The following ZNF106 variants were observed in gnomAD, a reference collection of about 807,000 sequenced individuals.
ZNF106 encodes zinc finger protein 106.
In ZNF106, 67 loss-of-function variants were observed where a neutral mutation model predicts 195.1. The ratio of observed to expected loss-of-function variants is 0.34; its 90% CI spans 0.28 to 0.42. ZNF106 has a LOEUF of 0.42. Among genes scored for constraint, ZNF106 ranks in the 10% least tolerant of loss-of-function variants. The pLI, the probability that ZNF106 is intolerant of heterozygous loss-of-function variation, is 1.00. For synonymous variants in ZNF106, 784 were observed against 818.6 expected (o/e 0.96, Z 0.72); for missense variants, 2,118 against 2,304.5 (o/e 0.92, Z 1.66).
At chr15:42,420,589 G>GA (rs202121642) in intron 20 of ZNF106, among the ~76,000 whole-genome samples, 165 of 150,632 alleles carry the variant, frequency 1.1e-3, no homozygotes, top group African/African-American at 3.7e-3. Context: ...TAGAACTGAC[G>GA]AAAAAAAAAT....
intron 8 of ZNF106, 31 bp from the exon 9 acceptor site, chr15:42,444,293 G>C: frequency 6.4e-7 from 1 of 1,563,226 alleles, no homozygotes; most frequent in Non-Finnish European, 8.8e-7. Context: ...TAAGCATTTT[G>C]AAATCCAACT....
At chr15:42,421,021 C>G in intron 20 of ZNF106, 40 bp downstream of exon 20, 1 of 1,588,974 alleles carries the variant, frequency 6.3e-7, no homozygotes, top group Non-Finnish European at 8.6e-7. Flanking sequence ...GGTGAAGCAA[C>G]CTATAGAAGT....
intron 1 of ZNF106, among the ~76,000 whole-genome samples, chr15:42,477,749 G>C (rs2056814000): frequency 6.6e-6 from 1 of 152,034 alleles, no homozygotes; most frequent in African/African-American, 2.4e-5. Context: ...AATTAGCTGG[G>C]CTTGATGGCA....
intron 14 of ZNF106, among the ~76,000 whole-genome samples, chr15:42,428,712 A>T (rs2054943514): frequency 6.6e-6 from 1 of 152,208 alleles, no homozygotes; most frequent in Non-Finnish European, 1.5e-5. Flanking sequence ...AAATTTCCCT[A>T]GTAATTCAGA....
intron 12 of ZNF106, among the ~76,000 whole-genome samples, chr15:42,438,252 G>C (rs957619972): frequency 6.6e-6 from 1 of 152,094 alleles, no homozygotes; most frequent in Non-Finnish European, 1.5e-5. Context: ...TTTGCCAGGC[G>C]TGATGGCGCG....
In ZNF106 at chr15:42,439,920, A is replaced by G. The variant is rs1378118889; in HGVS notation, c.3764-107T>C. The G allele has an allele frequency of 3.3e-6, 4 of 1,218,856 alleles. No individual in the cohort carries two copies. The Admixed American group carries it at 1.2e-4, about 38-fold the overall frequency. 75.5% of individuals were successfully genotyped at this position (1,218,856 alleles called of 1,614,324 possible). ...TCAATGATATGTTCAGAAAACCATG[A>G]CTGTTTCAGCTGGTATCTCACCCCT... On this transcript the variant is annotated intron_variant, in intron 10 of 21. Transcript: ENST00000564754.
intron 12 of ZNF106, 99 bp downstream of exon 12, chr15:42,438,513 T>C: frequency 1.9e-6 from 2 of 1,075,036 alleles, no homozygotes; most frequent in Non-Finnish European, 2.7e-6. Flanking sequence ...CCCATTCTCC[T>C]ATTCTATAAA....
chr15:42,466,890 T>C (rs113681856), intron 2 of ZNF106, among the ~76,000 whole-genome samples: 4,531 of 152,136 alleles, frequency 0.03, 249 homozygotes, highest in African/African-American at 0.1. Flanking sequence ...ATCCCAGCAC[T>C]TTGGGAGGCC....
chr15:42,431,027 G>A (rs1010495560), intron 14 of ZNF106, among the ~76,000 whole-genome samples: 1 of 151,966 alleles, frequency 6.6e-6, no homozygotes, highest in Admixed American at 6.6e-5. Flanking sequence ...TTTTAGCAGT[G>A]CTTTAGCTGC....
chr15:42,444,304 T>G, intron 8 of ZNF106, 42 bp from the exon 9 acceptor site: 1 of 1,492,688 alleles, frequency 6.7e-7, no homozygotes, highest in Non-Finnish European at 9.3e-7. Flanking sequence ...AAATCCAACT[T>G]GTAAGGTCCT....
In ZNF106 at chr15:42,415,713, C is replaced by CT. The variant is rs145603791; in HGVS notation, c.*1590_*1591insA. The CT allele has an allele frequency of 0.22, 38,264 of 176,556 alleles. 6,168 individuals carry two copies. The highest frequency in any genetic ancestry group is 0.45 in the African/African-American group (18,748 of 41,306). The allele number at this position is 176,556 out of a possible 1,614,324, so 10.9% of individuals were successfully genotyped here. ...GGTATGTGGCCCTGGGCTCCTCCCC[C>CT]AATTTTATCTCTCTGAAGAAGCTGA... On this transcript the variant is annotated 3_prime_UTR_variant, in exon 22 of 22. Transcript: ENST00000564754.
chr15:42,467,301 G>A (rs937668384), intron 2 of ZNF106, among the ~76,000 whole-genome samples: 2 of 152,180 alleles, frequency 1.3e-5, no homozygotes, highest in Admixed American at 1.3e-4. Flanking sequence ...TACACTTGTT[G>A]TGTTATTGCT....
chr15:42,462,846 C>A (rs150524522), intron 3 of ZNF106, among the ~76,000 whole-genome samples: 38 of 152,260 alleles, frequency 2.5e-4, no homozygotes, highest in African/African-American at 8.9e-4. Flanking sequence ...TGCAGTGGCA[C>A]AATCATAGCT....
intron 1 of ZNF106, among the ~76,000 whole-genome samples, chr15:42,477,528 G>A (rs191285092): frequency 1.6e-3 from 241 of 152,290 alleles, no homozygotes; most frequent in Admixed American, 2.7e-3. Context: ...AGGATGGCTT[G>A]AAGCCAGGAA....
At chr15:42,472,949 T>C (rs1331371980) in intron 1 of ZNF106, among the ~76,000 whole-genome samples, 2 of 147,916 alleles carry the variant, frequency 1.4e-5, no homozygotes, top group Non-Finnish European at 3.0e-5. Flanking sequence ...GAGGTTGCAG[T>C]GAGCTGAGAT....
chr15:42,483,145 T>C (rs1400769694), intron 1 of ZNF106, among the ~76,000 whole-genome samples: 1 of 151,714 alleles, frequency 6.6e-6, no homozygotes, highest in Non-Finnish European at 1.5e-5. Flanking sequence ...CATTCTTGTG[T>C]TAACTCCCCG....
rs539309188 is a variant in ZNF106 at position 42,437,387 on chromosome 15, A to G, written c.4601-10T>C. On this transcript the variant is annotated splice_polypyrimidine_tract_variant and intron_variant, in intron 12 of 21. Coordinates refer to ENST00000564754, the MANE Select transcript of ZNF106 (RefSeq NM_001366845.3). ...GGCTCTGAAGATATTTCTGGAAAAC[A>G]AGAATAGGTTTCAGAGACATGTCTG... 11 of 1,612,798 alleles carry G rather than the reference A, an allele frequency of 6.8e-6. No homozygotes were observed. The highest frequency in any genetic ancestry group is 2.2e-5 in the East Asian group (1 of 44,870).
Position 42,472,309 on chromosome 15 carries a change from C to T in ZNF106, c.-20G>A. On this transcript the variant is annotated 5_prime_UTR_variant, in exon 2 of 22. In the 5' UTR this introduces an upstream ATG that the reference lacks. Coordinates refer to ENST00000564754, the MANE Select transcript of ZNF106 (RefSeq NM_001366845.3). ...TACCATAGTGACCAGATCTGAAGCA[C>T]TCAACGTCACAGCTGCAATGAGGAA... The T allele has an allele frequency of 1.3e-6, 2 of 1,534,592 alleles. No homozygotes were observed. Among genetic ancestry groups the T allele is most frequent in the Non-Finnish European group, 1.7e-6 (2 of 1,146,116 alleles).
chr15:42,422,379 A>C, intron 18 of ZNF106, 122 bp downstream of exon 18: 1 of 1,289,614 alleles, frequency 7.8e-7, no homozygotes, highest in Non-Finnish European at 1.1e-6. Flanking sequence ...AATTATCTAG[A>C]ATGCTTGTGA....
Sources: gnomAD v4.1 joint callset for allele counts (sites outside exome capture counted in the v4.1 genomes callset) on GRCh38, gnomAD v4.1.1 for gene constraint, MANE v1.5 for transcripts, NCBI Gene and HGNC (gene_info 2026-07-23, HGNC 2026-07-21) for gene names.